The following ELF2 variants were observed in gnomAD, a reference collection of about 807,000 sequenced individuals.
ELF2 encodes the protein E74 like ETS transcription factor 2.
A neutral mutation model predicts 54.8 loss-of-function variants in ELF2; 11 were observed. That is an observed-to-expected ratio of 0.20 (90% CI 0.13 to 0.33). The LOEUF is 0.33. Ranked by LOEUF, ELF2 falls within the 10% of genes least tolerant of loss-of-function variation. ELF2 has a pLI of 1.00. For synonymous variants in ELF2, 203 were observed against 245.1 expected (o/e 0.83, Z 1.61); for missense variants, 513 against 703.0 (o/e 0.73, Z 3.06).
chr4:139,139,463 G>A lies in ELF2; in HGVS notation c.-217C>T, dbSNP rs998812192. ...ATCCTTCACTATTTTCACAACTTGG[G>A]AAGAGCTAAAATCTGAACCAGTAGT... On this transcript the variant is annotated 5_prime_UTR_variant, in exon 2 of 10. Transcript: ENST00000686138. The A allele has an allele frequency of 8.1e-7, 1 of 1,229,884 alleles. No individual in the cohort carries two copies. The highest frequency in any genetic ancestry group is 1.0e-6 in the Non-Finnish European group (1 of 987,034). 76.2% of individuals were successfully genotyped at this position (1,229,884 alleles called of 1,614,324 possible).
intron 4 of ELF2, among the ~76,000 whole-genome samples, chr4:139,099,786 G>T (rs1008425177): frequency 9.9e-5 from 15 of 152,080 alleles, no homozygotes; most frequent in Non-Finnish European, 2.1e-4. Flanking sequence ...ACAAGTTGTA[G>T]GTGCTAAAAA....
At chr4:139,149,141 C>A (rs1432148499) in intron 1 of ELF2, among the ~76,000 whole-genome samples, 1 of 151,986 alleles carries the variant, frequency 6.6e-6, no homozygotes, top group Non-Finnish European at 1.5e-5. Flanking sequence ...AAATAAACGG[C>A]ATAGGAATTG....
rs184953100 is a variant in ELF2, at chr4:139,096,183, A to G, written c.239-22616T>C. ...CCCAAAAAAAAAATTCTGTTATTATATTGGATAAGTTTCAAGGTTAAGGTT... is the reference window on the plus strand; with the variant it reads ...CCCAAAAAAAAAATTCTGTTATTATGTTGGATAAGTTTCAAGGTTAAGGTT... On this transcript the variant is annotated intron_variant, in intron 4 of 9. Transcript: ENST00000686138. 5.8e-3 allele frequency among the ~76,000 whole-genome samples: 885 copies of G among 152,270 alleles called. 11 individuals are homozygous for G. The highest frequency in any genetic ancestry group is 0.02 in the African/African-American group (833 of 41,552).
At chr4:139,137,942 C>T in intron 2 of ELF2, 75 bp from the exon 3 acceptor site, 1 of 1,063,872 alleles carries the variant, frequency 9.4e-7, no homozygotes, top group Non-Finnish European at 1.2e-6. Flanking sequence ...ACTTATTGTG[C>T]AATCTAATTT....
chr4:139,060,908 T>C (rs1386664127), intron 8 of ELF2, among the ~76,000 whole-genome samples: 1 of 152,234 alleles, frequency 6.6e-6, no homozygotes, highest in African/African-American at 2.4e-5. Context: ...GTCTATAAAC[T>C]GGCTGAAAGT....
At chr4:139,156,434 C>A (rs551025279) in intron 1 of ELF2, among the ~76,000 whole-genome samples, 2 of 152,246 alleles carry the variant, frequency 1.3e-5, no homozygotes, top group South Asian at 2.1e-4. Context: ...CCACCTTGGC[C>A]TCCCAAAGTG....
chr4:139,097,433 T>C (rs903539833), intron 4 of ELF2, among the ~76,000 whole-genome samples: 1 of 151,998 alleles, frequency 6.6e-6, no homozygotes, highest in Non-Finnish European at 1.5e-5. Context: ...CTGGCAAATA[T>C]GGGTGAAACC....
chr4:139,068,825 A>C (rs1252828137), intron 6 of ELF2, among the ~76,000 whole-genome samples: 2 of 152,212 alleles, frequency 1.3e-5, no homozygotes, highest in Non-Finnish European at 2.9e-5. Context: ...GGAATACTTA[A>C]GTATGTTGTA....
chr4:139,154,995 C>T (rs919211079), intron 1 of ELF2, among the ~76,000 whole-genome samples: 13 of 152,304 alleles, frequency 8.5e-5, no homozygotes, highest in African/African-American at 3.1e-4. Flanking sequence ...GAGAAAGGCA[C>T]AAACCTACCT....
chr4:139,067,594 T>C, intron 7 of ELF2, 90 bp downstream of exon 7: 1 of 1,302,768 alleles, frequency 7.7e-7, no homozygotes, highest in East Asian at 2.3e-5. Flanking sequence ...CATATGTGCA[T>C]GTACTAGAAA....
Position 139,086,858 on chromosome 4 carries a change from A to C in ELF2, c.239-13291T>G, listed in dbSNP as rs374826834. 3.3e-5 allele frequency among the ~76,000 whole-genome samples: 5 copies of C among 152,306 alleles called. No homozygotes were observed. The East Asian group carries it at 7.7e-4, about 23-fold the overall frequency. On this transcript the variant is annotated intron_variant, in intron 4 of 9. Coordinates refer to ENST00000686138, the MANE Select transcript of ELF2 (RefSeq NM_001331036.3). ...ATTATAAAAGCCTTCATAAGGCATA[A>C]ATTTTTAATAGGGGTTCAAAGAGGC...
intron 4 of ELF2, among the ~76,000 whole-genome samples, chr4:139,098,547 C>A (rs1164311512): frequency 1.3e-5 from 2 of 151,522 alleles, no homozygotes; most frequent in African/African-American, 4.9e-5. Flanking sequence ...CGGCTCACTG[C>A]AACCTCCACC....
rs914508685 is a variant in ELF2 at position 139,058,622 on chromosome 4, G to A, written c.*361C>T. 29 of 189,848 alleles carry A rather than the reference G, an allele frequency of 1.5e-4. No individual in the cohort carries two copies. The highest frequency in any genetic ancestry group is 2.5e-4 in the Non-Finnish European group (23 of 92,526). The allele number at this position is 189,848 out of a possible 1,614,324, so 11.8% of individuals were successfully genotyped here. On this transcript the variant is annotated 3_prime_UTR_variant, in exon 10 of 10. Coordinates refer to ENST00000686138, the MANE Select transcript of ELF2 (RefSeq NM_001331036.3). Reference sequence around the variant, plus strand: ...CAAAAATTGCTATATGTAACAATGAGATTACCCATCCCAACCCCTCCCACT... The same window carrying A: ...CAAAAATTGCTATATGTAACAATGAAATTACCCATCCCAACCCCTCCCACT...
intron 1 of ELF2, among the ~76,000 whole-genome samples, chr4:139,150,727 T>C (rs1255504531): frequency 1.3e-5 from 2 of 151,326 alleles, no homozygotes; most frequent in African/African-American, 4.9e-5. Context: ...TTAAAATCAA[T>C]GAAAAAGAGA....
chr4:139,065,336 A>C (rs1728532459), intron 7 of ELF2, among the ~76,000 whole-genome samples: 1 of 152,014 alleles, frequency 6.6e-6, no homozygotes, highest in Admixed American at 6.6e-5. Flanking sequence ...AATTAGCCAG[A>C]CACGGTGGTA....
At chr4:139,064,601 C>A (rs565762542) in intron 7 of ELF2, among the ~76,000 whole-genome samples, 3 of 151,998 alleles carry the variant, frequency 2.0e-5, no homozygotes, top group Non-Finnish European at 2.9e-5. Flanking sequence ...GACCTTCGGC[C>A]GGGCGTGTTG....
intron 4 of ELF2, among the ~76,000 whole-genome samples, chr4:139,118,334 T>C (rs1489750433): frequency 6.6e-6 from 1 of 152,192 alleles, no homozygotes; most frequent in Non-Finnish European, 1.5e-5. Flanking sequence ...ACCACAATCA[T>C]TGTGGAAATC....
intron 3 of ELF2, among the ~76,000 whole-genome samples, chr4:139,134,627 AT>A (rs1205095117): frequency 7.0e-6 from 1 of 141,924 alleles, no homozygotes; most frequent in Non-Finnish European, 1.6e-5. Flanking sequence ...TATTTATTTT[AT>A]TTTATTTTAT....
At chr4:139,075,465 C>G (rs62320532) in intron 4 of ELF2, among the ~76,000 whole-genome samples, 31,880 of 152,140 alleles carry the variant, frequency 0.21, 4,365 homozygotes, top group East Asian at 0.49. Flanking sequence ...GAGTCTCGCT[C>G]TGTTGCCCAG....
Sources: gnomAD v4.1 joint callset for allele counts (sites outside exome capture counted in the v4.1 genomes callset) on GRCh38, gnomAD v4.1.1 for gene constraint, MANE v1.5 for transcripts, NCBI Gene and HGNC (gene_info 2026-07-23, HGNC 2026-07-21) for gene names.